The following SCN2A variants were observed in gnomAD, a reference collection of about 807,000 sequenced individuals.
SCN2A encodes the protein sodium channel protein type 2 subunit alpha.
In SCN2A, 20 loss-of-function variants were observed where a neutral mutation model predicts 188.7. The ratio of observed to expected loss-of-function variants is 0.11; its 90% CI spans 0.07 to 0.15. The LOEUF (loss-of-function observed/expected upper bound fraction) is 0.15. SCN2A is among the 10% of genes least tolerant of loss of function. The probability of loss-of-function intolerance (pLI) is 1.00; values close to 1 mark genes in which losing one functional copy is unlikely to be tolerated. For synonymous variants in SCN2A, 804 were observed against 833.1 expected, an observed-to-expected ratio of 0.97 and a Z score of 0.60; for missense variants, 1,278 against 2,445.0, an observed-to-expected ratio of 0.52 and a Z score of 10.07.
In SCN2A at chr2:165,293,948, C is replaced by G. The variant is rs1696349565; in HGVS notation, c.-51-1825C>G. 3.0e-5 allele frequency: 29 copies of G among 959,296 alleles called. No homozygotes were observed. The South Asian group carries it at 1.3e-3, about 43-fold the overall frequency. The allele number at this position is 959,296 out of a possible 1,614,324, so 59.4% of individuals were successfully genotyped here. Reference sequence around the variant, plus strand: ...TGTAGTCCCTGTACAGGAAATGCCTCTTCTTACTTCAGTTACCAGAATCCT... The same window carrying G: ...TGTAGTCCCTGTACAGGAAATGCCTGTTCTTACTTCAGTTACCAGAATCCT... On this transcript the variant is annotated intron_variant, in intron 1 of 26. Transcript: ENST00000375437.
intron 1 of SCN2A, among the ~76,000 whole-genome samples, chr2:165,254,966 G>A (rs1694253010): frequency 6.6e-6 from 1 of 151,684 alleles, no homozygotes; most frequent in African/African-American, 2.4e-5. Context: ...GTTTGTATTT[G>A]TTGATATATT....
chr2:165,362,049 T>C (rs918210041), intron 17 of SCN2A, among the ~76,000 whole-genome samples: 3 of 151,890 alleles, frequency 2.0e-5, no homozygotes, highest in African/African-American at 7.2e-5. Flanking sequence ...GATAAAAGAG[T>C]CCTCGCACTG....
At chr2:165,291,818 G>C (rs1696220167) in intron 1 of SCN2A, among the ~76,000 whole-genome samples, 1 of 151,730 alleles carries the variant, frequency 6.6e-6, no homozygotes, top group African/African-American at 2.4e-5. Context: ...TTTCAAATGA[G>C]GACTCTTCCG....
chr2:165,370,402 C>T, intron 20 of SCN2A, 103 bp downstream of exon 20: 1 of 1,140,292 alleles, frequency 8.8e-7, no homozygotes, highest in Non-Finnish European at 1.3e-6. Flanking sequence ...TGTATCAGCC[C>T]AAATATAAAT....
In SCN2A at chr2:165,373,262, A is replaced by T. The variant is rs1701138006; in HGVS notation, c.3887A>T (p.Tyr1296Phe). The change falls in exon 21 of 27, where the codon TAC (tyrosine) becomes TTC (phenylalanine). Residue 1296 changes from tyrosine to phenylalanine, a missense_variant. This residue lies in a region of SCN2A where 39 missense variants were observed against 130.2 expected (regional missense o/e 0.30). Transcript: ENST00000375437. Reference protein sequence around the residue: ...LVSLTANALGYSELGAIKSLR... With the variant: ...LVSLTANALGFSELGAIKSLR... ...AGCTTAACTGCAAATGCCTTGGGTT[A>T]CTCAGAACTTGGTGCCATCAAATCC... is the stretch of plus-strand genomic sequence containing the variant. 6.2e-7 allele frequency: 1 copy of T among 1,613,488 alleles called. No individual in the cohort carries two copies. Among genetic ancestry groups the T allele is most frequent in the African/African-American group, 1.3e-5 (1 of 75,016 alleles).
At chr2:165,356,935 T>C (rs979321831) in intron 17 of SCN2A, among the ~76,000 whole-genome samples, 1 of 152,176 alleles carries the variant, frequency 6.6e-6, no homozygotes. Context: ...ATTCAGTATT[T>C]CAGAATTGGA....
chr2:165,327,903 C>T (rs1263865166), intron 13 of SCN2A: 1 of 152,148 alleles, frequency 6.6e-6, no homozygotes, highest in African/African-American at 2.4e-5. Context: ...ATTCTATCCC[C>T]CTTCCTTGCC....
At chr2:165,375,111 A>G in intron 22 of SCN2A, 145 bp downstream of exon 22, 1 of 746,654 alleles carries the variant, frequency 1.3e-6, no homozygotes, top group South Asian at 1.8e-5. Context: ...TGTGAAGAAA[A>G]GGGAACCCTT....
intron 17 of SCN2A, among the ~76,000 whole-genome samples, chr2:165,364,411 G>T (rs919209928): frequency 1.3e-5 from 2 of 152,114 alleles, no homozygotes; most frequent in Non-Finnish European, 2.9e-5. Context: ...TTCTTTTGGT[G>T]ATATTTGATT....
chr2:165,350,123 T>C (rs1056401375), intron 16 of SCN2A, among the ~76,000 whole-genome samples: 1 of 152,128 alleles, frequency 6.6e-6, no homozygotes, highest in African/African-American at 2.4e-5. Context: ...TGGTTGAAGA[T>C]AGGTGCTGCA....
intron 9 of SCN2A, 51 bp from the exon 10 acceptor site, chr2:165,313,851 G>A (rs1479168820): frequency 5.0e-6 from 8 of 1,611,772 alleles, no homozygotes; most frequent in Non-Finnish European, 5.9e-6. Flanking sequence ...TAGAGTGTAA[G>A]TTTGTAACAT....
chr2:165,278,886 C>G (rs1404046874), intron 1 of SCN2A, among the ~76,000 whole-genome samples: 1 of 151,958 alleles, frequency 6.6e-6, no homozygotes, highest in Non-Finnish European at 1.5e-5. Context: ...GTCTTTATCA[C>G]AACACTGCAC....
At chr2:165,352,146 T>C (rs929306640) in intron 16 of SCN2A, among the ~76,000 whole-genome samples, 2 of 152,118 alleles carry the variant, frequency 1.3e-5, no homozygotes, top group African/African-American at 4.8e-5. Context: ...CCAAAATAGA[T>C]AAAATAAAAA....
intron 23 of SCN2A, 96 bp downstream of exon 23, chr2:165,377,746 G>A: frequency 2.0e-6 from 2 of 1,007,514 alleles, no homozygotes; most frequent in South Asian, 1.5e-5. Context: ...AAAATTATGT[G>A]CTTAATTTAT....
chr2:165,339,501 C>T (rs1699193359), intron 14 of SCN2A, among the ~76,000 whole-genome samples: 1 of 151,668 alleles, frequency 6.6e-6, no homozygotes, highest in Admixed American at 6.6e-5. Context: ...GTAGACAATC[C>T]TAATAAATCT....
chr2:165,384,241 A>G (rs1365178843), intron 25 of SCN2A, among the ~76,000 whole-genome samples: 4 of 152,158 alleles, frequency 2.6e-5, no homozygotes, highest in Non-Finnish European at 5.9e-5. Context: ...AAAAAAGTAA[A>G]AATAGAGGGC....
chr2:165,284,371 C>T (rs1695734128), intron 1 of SCN2A, among the ~76,000 whole-genome samples: 1 of 152,054 alleles, frequency 6.6e-6, no homozygotes, highest in African/African-American at 2.4e-5. Flanking sequence ...GGGGTTTCAC[C>T]ATGTTAGCAG....
At chr2:165,258,579 T>C (rs78109686) in intron 1 of SCN2A, among the ~76,000 whole-genome samples, 6,677 of 152,264 alleles carry the variant, frequency 0.044, 187 homozygotes, top group East Asian at 0.093. Flanking sequence ...AACCCCATAA[T>C]TGGGTATGTG....
chr2:165,246,584 A>G (rs775590497), intron 1 of SCN2A, among the ~76,000 whole-genome samples: 1 of 152,064 alleles, frequency 6.6e-6, no homozygotes, highest in Non-Finnish European at 1.5e-5. Flanking sequence ...CTTTCCTTTC[A>G]TTAGATAAAT....
Sources: allele counts gnomAD v4.1 joint callset (sites outside exome capture counted in the v4.1 genomes callset), GRCh38; gene constraint gnomAD v4.1.1; regional missense constraint gnomAD v4.1.1; transcripts MANE v1.5; gene names NCBI Gene and HGNC (gene_info 2026-07-23, HGNC 2026-07-21).